The following GUCY2D variants were observed in gnomAD, a reference collection of about 807,000 sequenced individuals.
GUCY2D encodes the protein guanylate cyclase 2D, retinal.
Under a neutral mutation model 101.3 loss-of-function variants are expected in GUCY2D, and 70 were observed. That is an observed-to-expected ratio of 0.69 (90% CI 0.57 to 0.84). The LOEUF (loss-of-function observed/expected upper bound fraction) is 0.84, where lower values mean the gene tolerates loss of function less well. GUCY2D is among the 40% of genes least tolerant of loss of function. The probability of loss-of-function intolerance (pLI) is 0.00; values close to 1 mark genes in which losing one functional copy is unlikely to be tolerated. For missense variants in GUCY2D, 1,460 were observed against 1,542.5 expected (o/e 0.95, Z 0.90); for synonymous variants, 688 against 670.7 (o/e 1.03, Z -0.40).
chr17:8,003,489 G>C lies in GUCY2D; in HGVS notation c.442G>C (p.Val148Leu), dbSNP rs1975674334. The change falls in exon 2 of 20, where the codon GTG (valine) becomes CTG (leucine). Residue 148 changes from valine to leucine, a missense_variant. By Grantham distance (32) the Val-to-Leu change is conservative (BLOSUM62 1). Around this residue, in one of 3 missense-constraint regions of GUCY2D, gnomAD observed 1,196 missense variants for 1,229.6 expected, o/e 0.97. Transcript: ENST00000254854. The stretch of plus-strand genomic sequence containing the variant: ...CGCCGAAGAAGCCGGGATCGCGCTG[G>C]TGCCCTGGGGCTGCCCCTGGACGCA... ...LLAEEAGIAL[V>L]PWGCPWTQAE... The C allele has an allele frequency of 6.5e-7, 1 of 1,528,110 alleles. No homozygotes were observed. The highest frequency in any genetic ancestry group is 8.7e-7 in the Non-Finnish European group (1 of 1,143,964). The allele number at this position is 1,528,110 out of a possible 1,614,324, so 94.7% of individuals were successfully genotyped here. A position where few individuals can be genotyped will look rare whatever the true frequency, so the allele number is the denominator to read the frequency against.
chr17:8,007,947 G>C lies in GUCY2D; in HGVS notation c.1583G>C (p.Arg528Pro). The C allele has an allele frequency of 1.2e-6, 2 of 1,612,650 alleles. No individual in the cohort carries two copies. The highest frequency in any genetic ancestry group is 1.7e-6 in the Non-Finnish European group (2 of 1,178,738). The change falls in exon 7 of 20, where the codon CGA becomes CCA. Residue 528 changes from arginine (R) to proline (P), a missense_variant. Arg to Pro is a moderately radical substitution (Grantham distance 103). Around this residue, in one of 3 missense-constraint regions of GUCY2D, gnomAD observed 1,196 missense variants for 1,229.6 expected, o/e 0.97. Coordinates refer to ENST00000254854, the MANE Select transcript of GUCY2D (RefSeq NM_000180.4). Reference protein sequence around the residue: ...GTSRKVAQGSRSSLGARSMSD... With the variant: ...GTSRKVAQGSPSSLGARSMSD... The stretch of plus-strand genomic sequence containing the variant: ...ACCTGCTAGGTGGCCCAGGGGAGTC[G>C]ATCAAGTCTGGGTGCCCGCAGCATG...
In GUCY2D at chr17:8,011,713, C is replaced by T. The variant is rs1975853917; in HGVS notation, c.1750-431C>T. ...GCATGGTGGCACAAGCCTGTAGTCC[C>T]AGCTATTCAGGAGGCTGAGGTAGGA... On this transcript the variant is annotated intron_variant, in intron 8 of 19. Transcript: ENST00000254854. This position sits in a 1 kb window ranked among gnomAD's most constrained non-coding sequence, Gnocchi z 4.3. 6.6e-6 allele frequency among the ~76,000 whole-genome samples: 1 copy of T among 152,148 alleles called. No individual in the cohort carries two copies. Among genetic ancestry groups the T allele is most frequent in the African/African-American group, 2.4e-5 (1 of 41,426 alleles).
rs1479610648 is a variant in GUCY2D, at chr17:8,016,244, C to A, written c.3178C>A (p.Arg1060Ser). ...AEDTFWLVGRRGFNKPIPKPP... is the reference protein window; with the variant it reads ...AEDTFWLVGRSGFNKPIPKPP... ...GGACACTTTCTGGCTAGTGGGCAGA[C>A]GCGGCTTCAACAAGCCCATCCCCAA... The change falls in exon 18 of 20, where the codon CGC becomes AGC. Residue 1060 changes from arginine (R) to serine (S), a missense_variant. Around this residue, in one of 3 missense-constraint regions of GUCY2D, gnomAD observed 215 missense variants for 227.9 expected, o/e 0.94. Coordinates refer to ENST00000254854, the MANE Select transcript of GUCY2D (RefSeq NM_000180.4). The A allele has an allele frequency of 6.3e-7, 1 of 1,589,296 alleles. No individual in the cohort carries two copies.
In GUCY2D at chr17:8,003,412, C is replaced by T; in HGVS notation, c.365C>T (p.Ser122Leu). ...GAVSSALARVSGLVGPVNPAA... is the reference protein window; with the variant it reads ...GAVSSALARVLGLVGPVNPAA... ...GTGTCCTCCGCGCTGGCCCGCGTGT[C>T]GGGCCTCGTGGGTCCGGTGAACCCT... is the stretch of plus-strand genomic sequence containing the variant. The change falls in exon 2 of 20, where the codon TCG becomes TTG. Residue 122 changes from serine to leucine, a missense_variant. Ser to Leu is a moderately radical substitution (Grantham distance 145). Transcript: ENST00000254854. The T allele has an allele frequency of 1.3e-6, 2 of 1,497,174 alleles. No homozygotes were observed. Among genetic ancestry groups the T allele is most frequent in the Non-Finnish European group, 1.8e-6 (2 of 1,130,596 alleles). 92.7% of individuals were successfully genotyped at this position (1,497,174 alleles called of 1,614,324 possible).
intron 6 of GUCY2D, 92 bp from the exon 7 acceptor site, chr17:8,007,839 A>G: frequency 1.3e-6 from 1 of 792,614 alleles, no homozygotes. Flanking sequence ...TTCGCCTCCC[A>G]TCTTTAAATC....
Position 8,003,345 on chromosome 17 carries a change from C to G in GUCY2D, c.298C>G (p.Leu100Val). The G allele has an allele frequency of 6.8e-7, 1 of 1,478,520 alleles. No homozygotes were observed. Among genetic ancestry groups the G allele is most frequent in the South Asian group, 1.3e-5 (1 of 77,968 alleles). 91.6% of individuals were successfully genotyped at this position (1,478,520 alleles called of 1,614,324 possible). The change falls in exon 2 of 20, where the codon CTG (leucine) becomes GTG (valine). Residue 100 changes from leucine (L) to valine (V), a missense_variant. This residue lies in a region of GUCY2D where 1,196 missense variants were observed against 1,229.6 expected (regional missense o/e 0.97). Transcript: ENST00000254854. ...LAGGPRFEVA[L>V]LPEPCRTPGS... ...AGGCGGTCCCCGCTTCGAGGTAGCG[C>G]TGCTGCCCGAGCCTTGCCGGACGCC...
chr17:8,007,382 C>A, intron 5 of GUCY2D, 44 bp from the exon 6 acceptor site: 2 of 1,324,978 alleles, frequency 1.5e-6, no homozygotes, highest in Non-Finnish European at 2.2e-6. Context: ...TCTCTTCTGA[C>A]GGAACTTGGT....
Position 8,003,460 on chromosome 17 carries a change from T to C in GUCY2D, c.413T>C (p.Leu138Pro). The change falls in exon 2 of 20, where the codon CTG (leucine) becomes CCG (proline). Residue 138 changes from leucine (L) to proline (P), a missense_variant. Leu to Pro is a moderately conservative substitution (Grantham distance 98). This residue lies in a region of GUCY2D where 1,196 missense variants were observed against 1,229.6 expected (regional missense o/e 0.97). Coordinates refer to ENST00000254854, the MANE Select transcript of GUCY2D (RefSeq NM_000180.4). Reference sequence around the variant, plus strand: ...CCTGCGGCCTGCCGGCCAGCCGAGCTGCTCGCCGAAGAAGCCGGGATCGCG... The same window carrying C: ...CCTGCGGCCTGCCGGCCAGCCGAGCCGCTCGCCGAAGAAGCCGGGATCGCG... ...VNPAACRPAELLAEEAGIALV... is the reference protein window; with the variant it reads ...VNPAACRPAEPLAEEAGIALV... 6.6e-7 allele frequency: 1 copy of C among 1,521,818 alleles called. No homozygotes were observed. Among genetic ancestry groups the C allele is most frequent in the South Asian group, 1.2e-5 (1 of 83,056 alleles). The allele number at this position is 1,521,818 out of a possible 1,614,324, so 94.3% of individuals were successfully genotyped here.
At chr17:8,005,127 A>C (rs1975714150) in intron 3 of GUCY2D, among the ~76,000 whole-genome samples, 1 of 152,056 alleles carries the variant, frequency 6.6e-6, no homozygotes, top group Admixed American at 6.5e-5. Flanking sequence ...GATTCCTTGA[A>C]TTCTTCGCCC....
In GUCY2D at chr17:8,015,446, T is replaced by C. The variant is rs371367958; in HGVS notation, c.2888T>C (p.Phe963Ser). ...SLDILSAVGT[F>S]RMRHMPEVPV... is the part of the protein sequence containing the mutation. ...GACATCCTCAGTGCCGTGGGCACTT[T>C]CCGCATGCGCCATATGCCTGAGGTT... The change falls in exon 15 of 20, where the codon TTC becomes TCC. Residue 963 changes from phenylalanine (F) to serine (S), a missense_variant. Coordinates refer to ENST00000254854, the MANE Select transcript of GUCY2D (RefSeq NM_000180.4). The C allele has an allele frequency of 1.2e-6, 2 of 1,613,746 alleles. No individual in the cohort carries two copies. The highest frequency in any genetic ancestry group is 8.5e-7 in the Non-Finnish European group (1 of 1,179,824).
chr17:8,002,981 AG>A lies in GUCY2D; in HGVS notation c.-9-57del, dbSNP rs1005255417. On this transcript the variant is annotated intron_variant, in intron 1 of 19. Transcript: ENST00000254854. This position sits in a 1 kb window ranked among gnomAD's most constrained non-coding sequence, Gnocchi z 4.9. ...CTTGGAGAAACTCGGGGTTACGGGGAGAACCCTAGGGGAGGCCGGGGTCTCA... is the reference window on the plus strand; with the variant it reads ...CTTGGAGAAACTCGGGGTTACGGGGAAACCCTAGGGGAGGCCGGGGTCTCA... 1.5e-6 allele frequency: 2 copies of A among 1,333,332 alleles called. No individual in the cohort carries two copies. The highest frequency in any genetic ancestry group is 3.0e-5 in the African/African-American group (2 of 66,328). The allele number at this position is 1,333,332 out of a possible 1,614,324, so 82.6% of individuals were successfully genotyped here. A position where few individuals can be genotyped will look rare whatever the true frequency, so the allele number is the denominator to read the frequency against.
rs1244476010 is a variant in GUCY2D, at chr17:8,012,217, C to T, written c.1823C>T (p.Ala608Val). 9.3e-6 allele frequency: 15 copies of T among 1,613,610 alleles called. No homozygotes were observed. The highest frequency in any genetic ancestry group is 4.5e-5 in the East Asian group (2 of 44,874). Reference protein sequence around the residue: ...LFLARGAEGPAALWEGNLAVV... With the variant: ...LFLARGAEGPVALWEGNLAVV... ...CTGGCTCGGGGAGCAGAAGGCCCTG[C>T]GGCCCTCTGGGAGGGCAACCTGGCT... Residue 608 changes from alanine (A) to valine (V), a missense_variant, in exon 9 of 20, where the codon GCG becomes GTG. Transcript: ENST00000254854.
Position 8,014,152 on chromosome 17 carries a change from A to G in GUCY2D, c.2412+124A>G. On this transcript the variant is annotated intron_variant, in intron 12 of 19. Transcript: ENST00000254854. The surrounding 1 kb of genome is among the most constrained non-coding windows in gnomAD (Gnocchi z 4.0). ...CTCTGGCCTTCCAGGCTACCTCCTA[A>G]GGAGTAGCCTGAAGACTCGGAGTTT... 1.1e-6 allele frequency: 1 copy of G among 887,258 alleles called. No individual in the cohort carries two copies. The highest frequency in any genetic ancestry group is 1.9e-6 in the Non-Finnish European group (1 of 539,216). The allele number at this position is 887,258 out of a possible 1,614,324, so 55.0% of individuals were successfully genotyped here.
At chr17:8,007,396 C>A in intron 5 of GUCY2D, 30 bp from the exon 6 acceptor site, 1 of 1,450,764 alleles carries the variant, frequency 6.9e-7, no homozygotes, top group Non-Finnish European at 9.7e-7. Context: ...ACTTGGTGCC[C>A]TTGGTGGAGG....
intron 2 of GUCY2D, 34 bp from the exon 3 acceptor site, chr17:8,003,818 C>T (rs903470945): frequency 6.2e-7 from 1 of 1,603,816 alleles, no homozygotes; most frequent in African/African-American, 1.3e-5. Context: ...TGCCGGCAGC[C>T]GGACGGCGCC....
Position 8,015,818 on chromosome 17 carries a change from C to G in GUCY2D, c.3020C>G (p.Ser1007Trp). ...CLFGDTVNTASRMESTGLPYR... is the reference protein window; with the variant it reads ...CLFGDTVNTAWRMESTGLPYR... ...TTTGGGGACACGGTCAACACCGCCT[C>G]GCGCATGGAGTCCACCGGGCTGCGT... The change falls in exon 16 of 20, where the codon TCG becomes TGG. Residue 1007 changes from serine to tryptophan, a missense_variant. By Grantham distance (177) the Ser-to-Trp change is radical. Coordinates refer to ENST00000254854, the MANE Select transcript of GUCY2D (RefSeq NM_000180.4). The G allele has an allele frequency of 1.2e-6, 2 of 1,612,402 alleles. No individual in the cohort carries two copies. Among genetic ancestry groups the G allele is most frequent in the Non-Finnish European group, 1.7e-6 (2 of 1,179,378 alleles).
At position 8,007,065 on chromosome 17, in the gene GUCY2D, G is replaced by T. The variant is rs1323099555; in HGVS notation, c.1384G>T (p.Glu462Ter). Residue 462 changes from glutamate to a stop codon, truncating the protein, a stop_gained, in exon 5 of 20, where the codon GAG (glutamate) becomes TAG (stop). Transcript: ENST00000254854. LOFTEE classifies it high-confidence loss of function. ...DPNNICGGGL[E>*]PGLVFLGFLL... ...TCCTGTCACTGTCCCTTCAGGACTG[G>T]AGCCGGGCCTCGTCTTTCTTGGCTT... 6.2e-7 allele frequency: 1 copy of T among 1,613,796 alleles called. No individual in the cohort carries two copies. Among genetic ancestry groups the T allele is most frequent in the Non-Finnish European group, 8.5e-7 (1 of 1,179,782 alleles).
chr17:8,012,585 C>T lies in GUCY2D; in HGVS notation c.2092C>T (p.Pro698Ser), dbSNP rs747338144. 3.7e-6 allele frequency: 6 copies of T among 1,613,702 alleles called. No homozygotes were observed. The South Asian group carries it at 6.6e-5, about 18-fold the overall frequency. ...GRLLEAQKVL[P>S]EPPRAEDQLW... ...ACTGCTGGAAGCACAGAAGGTGCTA[C>T]CGGAGCCTCCCAGAGCGGAGGGTAA... Residue 698 changes from proline (P) to serine (S), a missense_variant, in exon 10 of 20, where the codon CCG (proline) becomes TCG (serine). This residue lies in a region of GUCY2D where 1,196 missense variants were observed against 1,229.6 expected (regional missense o/e 0.97). Transcript: ENST00000254854.
rs377617525 is a variant in GUCY2D, at chr17:8,014,078, A to T, written c.2412+50A>T. ...ACTGGGCTGGCCTCTGGGATCCCAG[A>T]TGCTTGTCAGCAACCTGAGACAGCT... On this transcript the variant is annotated intron_variant, in intron 12 of 19. Coordinates refer to ENST00000254854, the MANE Select transcript of GUCY2D (RefSeq NM_000180.4). This position sits in a 1 kb window ranked among gnomAD's most constrained non-coding sequence, Gnocchi z 4.0. 1 of 1,552,134 alleles carries T rather than the reference A, an allele frequency of 6.4e-7. No homozygotes were observed. Among genetic ancestry groups the T allele is most frequent in the Non-Finnish European group, 8.8e-7 (1 of 1,130,996 alleles).
Sources: gnomAD v4.1 joint callset for allele counts (sites outside exome capture counted in the v4.1 genomes callset) on GRCh38, gnomAD v4.1.1 for gene constraint, gnomAD v4.1.1 regional missense constraint, Gnocchi (gnomAD v3.1) non-coding constraint, MANE v1.5 for transcripts, NCBI Gene and HGNC (gene_info 2026-07-23, HGNC 2026-07-21) for gene names.